Variants in DDX42 observed in about 807,000 individuals in gnomAD.
The protein encoded by DDX42 is DEAD-box helicase 42.
A neutral mutation model predicts 101.5 loss-of-function variants in DDX42; 22 were observed. The ratio of observed to expected loss-of-function variants is 0.22; its 90% confidence interval spans 0.15 to 0.31. The LOEUF (loss-of-function observed/expected upper bound fraction) is 0.31, where lower values mean the gene tolerates loss of function less well. Ranked by LOEUF, DDX42 falls within the 10% of genes least tolerant of loss-of-function variation. The pLI is 1.00. For missense variants in DDX42, 849 were observed against 1,199.9 expected, an observed-to-expected ratio of 0.71 and a Z score of 4.32; for synonymous variants, 402 against 401.2, an observed-to-expected ratio of 1.00 and a Z score of -0.02.
intron 1 of DDX42, among the ~76,000 whole-genome samples, chr17:63,781,989 G>A (rs975878490): frequency 6.6e-6 from 1 of 151,882 alleles, no homozygotes; most frequent in Non-Finnish European, 1.5e-5. Context: ...CAGCCTGGGC[G>A]ACAGAGTGAG....
chr17:63,799,445 T>C (rs748438357), intron 4 of DDX42, 144 bp from the exon 5 acceptor site: 1 of 776,430 alleles, frequency 1.3e-6, no homozygotes, highest in Admixed American at 2.4e-5. Context: ...GGTGGATAGT[T>C]TATAGTGTGC....
At chr17:63,815,480 A>G (rs989096603) in intron 15 of DDX42, 83 bp from the exon 16 acceptor site, 23 of 1,027,436 alleles carry the variant, frequency 2.2e-5, no homozygotes, top group Non-Finnish European at 3.4e-5. Context: ...CCCCCTTCCC[A>G]CTTAATTTCC....
rs775345281 is a variant in DDX42, at chr17:63,799,554, T to C, written c.435-35T>C. On this transcript the variant is annotated intron_variant, in intron 4 of 17. Coordinates refer to ENST00000389924, the MANE Select transcript of DDX42 (RefSeq NM_203499.3). ...TATGGAGCTGGGTATGTGGAACATT[T>C]GCAGGGAAGTTTGTTTCTCCGCTTG... 85 of 1,612,044 alleles carry C rather than the reference T, an allele frequency of 5.3e-5. 2 individuals carry two copies. In the South Asian group the frequency reaches 9.0e-4, roughly 17 times the overall value.
chr17:63,790,535 C>T (rs1307835179), intron 2 of DDX42, among the ~76,000 whole-genome samples: 1 of 151,956 alleles, frequency 6.6e-6, no homozygotes, highest in Non-Finnish European at 1.5e-5. Flanking sequence ...CCGAGGCGGG[C>T]GGATCGCCTG....
Position 63,818,166 on chromosome 17 carries a change from A to G in DDX42, c.2585A>G (p.Asn862Ser). 1.9e-6 allele frequency: 3 copies of G among 1,613,998 alleles called. No individual in the cohort carries two copies. The East Asian group carries it at 6.7e-5, about 36-fold the overall frequency. ...ACTGATGGCCATCGGCACGGGGAGA[A>G]CAGACATGGAGGAAGCGCAGGCCGG... ...RHTDGHRHGE[N>S]RHGGSAGRHG... is the part of the protein sequence containing the mutation. The change falls in exon 18 of 18, where the codon AAC becomes AGC. Residue 862 changes from asparagine (N) to serine (S), a missense_variant. Coordinates refer to ENST00000389924, the MANE Select transcript of DDX42 (RefSeq NM_203499.3).
intron 10 of DDX42, among the ~76,000 whole-genome samples, chr17:63,809,283 A>C (rs1305409452): frequency 6.6e-6 from 1 of 152,224 alleles, no homozygotes; most frequent in Non-Finnish European, 1.5e-5. Flanking sequence ...GAAACCTGTC[A>C]TTATGCTTTA....
chr17:63,813,284 G>A lies in DDX42; in HGVS notation c.1732G>A (p.Asp578Asn). Residue 578 changes from aspartate to asparagine, a missense_variant, in exon 15 of 18, where the codon GAC becomes AAC. This residue lies in a region of DDX42 where 370 missense variants were observed against 608.8 expected (regional missense o/e 0.61). Transcript: ENST00000389924. ...KTVINYDVAR[D>N]IDTHTHRIGR... is the part of the protein sequence containing the mutation. ...TGTCATTAACTATGATGTGGCACGAGACATTGATACCCACACGCATAGGAT... is the reference window on the plus strand; with the variant it reads ...TGTCATTAACTATGATGTGGCACGAAACATTGATACCCACACGCATAGGAT... 1 of 1,614,034 alleles carries A rather than the reference G, an allele frequency of 6.2e-7. No individual in the cohort carries two copies. Among genetic ancestry groups the A allele is most frequent in the South Asian group, 1.1e-5 (1 of 91,078 alleles).
intron 15 of DDX42, among the ~76,000 whole-genome samples, chr17:63,814,675 CTTT>C (rs58211962): frequency 3.3e-5 from 3 of 90,450 alleles, no homozygotes; most frequent in Non-Finnish European, 6.0e-5. Flanking sequence ...GAGACATTTG[CTTT>C]TTTTTTTTTT....
At chr17:63,807,293 A>G (rs59035113) in intron 8 of DDX42, among the ~76,000 whole-genome samples, 1 of 152,330 alleles carries the variant, frequency 6.6e-6, no homozygotes, top group South Asian at 2.1e-4. Context: ...GGCGCACGCC[A>G]GCACACCTGG....
chr17:63,813,374 A>T lies in DDX42; in HGVS notation c.1822A>T (p.Asn608Tyr), dbSNP rs199647688. ...TACCCTACTCACTCCCAAGGACAGC[A>T]ATTTTGCTGGTGACCTGGTCCGGAA... ...AYTLLTPKDSNFAGDLVRNLE... is the reference protein window; with the variant it reads ...AYTLLTPKDSYFAGDLVRNLE... The change falls in exon 15 of 18, where the codon AAT becomes TAT. Residue 608 changes from asparagine (N) to tyrosine (Y), a missense_variant. Asn to Tyr is a moderately radical substitution (Grantham distance 143). Transcript: ENST00000389924. 16 of 1,614,008 alleles carry T rather than the reference A, an allele frequency of 9.9e-6. No homozygotes were observed. The highest frequency in any genetic ancestry group is 4.0e-5 in the African/African-American group (3 of 74,894).
intron 16 of DDX42, 142 bp downstream of exon 16, chr17:63,815,815 G>T: frequency 2.1e-6 from 1 of 481,158 alleles, no homozygotes. Context: ...TCTGATTTGA[G>T]TCAATGCAGT....
Position 63,806,640 on chromosome 17 carries a change from C to T in DDX42, c.832C>T (p.Pro278Ser). ...GAAATCTGAATACACACAGCCCACT[C>T]CAATACAGTGCCAGGTAAGTAAAAC... The part of the protein sequence containing the change: ...IRKSEYTQPT[P>S]IQCQGVPVAL... The change falls in exon 8 of 18, where the codon CCA (proline) becomes TCA (serine). Residue 278 changes from proline (P) to serine (S), a missense_variant. Pro to Ser is a moderately conservative substitution (Grantham distance 74). Coordinates refer to ENST00000389924, the MANE Select transcript of DDX42 (RefSeq NM_203499.3). 1.2e-6 allele frequency: 2 copies of T among 1,609,686 alleles called. No homozygotes were observed. Among genetic ancestry groups the T allele is most frequent in the African/African-American group, 1.3e-5 (1 of 74,774 alleles).
intron 14 of DDX42, among the ~76,000 whole-genome samples, chr17:63,812,748 G>T (rs908350235): frequency 3.3e-5 from 5 of 152,106 alleles, no homozygotes; most frequent in African/African-American, 1.2e-4. Flanking sequence ...GTCCCAGTCG[G>T]GCACGGTGGC....
intron 15 of DDX42, among the ~76,000 whole-genome samples, chr17:63,815,190 T>C (rs2039961989): frequency 1.3e-5 from 2 of 152,218 alleles, no homozygotes; most frequent in Admixed American, 6.5e-5. Context: ...AAGTTCCAAA[T>C]GTTTACGTCC....
intron 9 of DDX42, 131 bp from the exon 10 acceptor site, chr17:63,808,689 C>T (rs1012885670): frequency 4.5e-6 from 4 of 893,500 alleles, no homozygotes; most frequent in Non-Finnish European, 6.9e-6. Context: ...TGAATAAAAT[C>T]GTGGTTTTAA....
At chr17:63,791,299 G>A (rs2039624421) in intron 2 of DDX42, among the ~76,000 whole-genome samples, 2 of 152,012 alleles carry the variant, frequency 1.3e-5, no homozygotes, top group Admixed American at 1.3e-4. Context: ...TTTGGATTGA[G>A]CATTTATTTT....
At chr17:63,796,577 A>G (rs1281537973) in intron 3 of DDX42, among the ~76,000 whole-genome samples, 3 of 152,346 alleles carry the variant, frequency 2.0e-5, no homozygotes, top group Admixed American at 6.5e-5. Context: ...TGGCCTCCCA[A>G]GGTGCTGGGA....
intron 1 of DDX42, among the ~76,000 whole-genome samples, chr17:63,784,824 A>G (rs1465860922): frequency 6.6e-6 from 1 of 152,050 alleles, no homozygotes; most frequent in African/African-American, 2.4e-5. Flanking sequence ...GAGCAGTTGC[A>G]TTTTAAAACT....
chr17:63,818,723 A>G lies in DDX42; in HGVS notation c.*325A>G, dbSNP rs886791263. 4.5e-6 allele frequency: 1 copy of G among 221,530 alleles called. No homozygotes were observed. The highest frequency in any genetic ancestry group is 9.2e-5 in the East Asian group (1 of 10,844). 13.7% of individuals were successfully genotyped at this position (221,530 alleles called of 1,614,324 possible). Reference sequence around the variant, plus strand: ...TCTAGGTTTATATTGTATGTAGCTTATATTTTTTACTAAGGTGTCACCTTA... The same window carrying G: ...TCTAGGTTTATATTGTATGTAGCTTGTATTTTTTACTAAGGTGTCACCTTA... On this transcript the variant is annotated 3_prime_UTR_variant, in exon 18 of 18. Coordinates refer to ENST00000389924, the MANE Select transcript of DDX42 (RefSeq NM_203499.3).
Sources: allele counts gnomAD v4.1 joint callset (sites outside exome capture counted in the v4.1 genomes callset), GRCh38; gene constraint gnomAD v4.1.1; regional missense constraint gnomAD v4.1.1; transcripts MANE v1.5; gene names NCBI Gene and HGNC (gene_info 2026-07-23, HGNC 2026-07-21).